The following FHIP1A variants were observed in gnomAD, a reference collection of about 807,000 sequenced individuals.
FHIP1A encodes the protein FHF complex subunit HOOK interacting protein 1A, also known as FHF complex subunit HOOK-interacting protein 1A.
FHIP1A carries 61 observed loss-of-function variants against 88.6 expected under a neutral mutation model. That is an observed-to-expected ratio of 0.69 (90% confidence interval 0.56 to 0.85). FHIP1A has a LOEUF of 0.85. Ranked by LOEUF, FHIP1A falls within the 40% of genes least tolerant of loss-of-function variation. The pLI, the probability that FHIP1A is intolerant of heterozygous loss-of-function variation, is 0.00. For synonymous variants in FHIP1A, 478 were observed against 496.0 expected (o/e 0.96, Z 0.48); for missense variants, 1,154 against 1,273.5 (o/e 0.91, Z 1.43).
chr4:151,648,250 A>G (rs1047442413), intron 10 of FHIP1A, among the ~76,000 whole-genome samples: 7 of 152,204 alleles, frequency 4.6e-5, no homozygotes, highest in African/African-American at 1.7e-4. Flanking sequence ...GTAAAATAGT[A>G]CCTACTTCAA....
At chr4:151,647,348 T>TAG (rs1235809628) in intron 10 of FHIP1A, among the ~76,000 whole-genome samples, 1 of 152,204 alleles carries the variant, frequency 6.6e-6, no homozygotes, top group Non-Finnish European at 1.5e-5. Context: ...GGCAGGCAGC[T>TAG]AGAGCAAGGG....
chr4:151,632,164 T>C (rs141825779), intron 8 of FHIP1A, among the ~76,000 whole-genome samples: 69 of 151,908 alleles, frequency 4.5e-4, no homozygotes, highest in African/African-American at 1.6e-3. Flanking sequence ...TATTTAAAAA[T>C]TAGACTTTAA....
chr4:151,417,579 CT>C lies in FHIP1A; in HGVS notation c.-356+8115del, dbSNP rs1732943742. Among the ~76,000 whole-genome samples the C allele has an allele frequency of 2.0e-5, 3 of 152,066 alleles. No homozygotes were observed. In the South Asian group the frequency reaches 6.2e-4, roughly 32 times the overall value. ...AGATGGGGGTTGCAAAGGGAATAGC[CT>C]CTGGTCCTTTTGTTACTTGGGTGTG... On this transcript the variant is annotated intron_variant, in intron 1 of 13. Coordinates refer to ENST00000435205, the MANE Select transcript of FHIP1A (RefSeq NM_001109977.3).
intron 3 of FHIP1A, among the ~76,000 whole-genome samples, chr4:151,559,660 A>G (rs1733096043): frequency 1.3e-5 from 2 of 152,346 alleles, no homozygotes; most frequent in Middle Eastern, 3.4e-3. Flanking sequence ...TGTCGTTTAT[A>G]TAACCAAACC....
intron 1 of FHIP1A, among the ~76,000 whole-genome samples, chr4:151,424,803 C>T (rs1733301445): frequency 1.8e-5 from 2 of 112,774 alleles, no homozygotes; most frequent in African/African-American, 6.9e-5. Context: ...TCTTATCTTT[C>T]CTGTAAAAAA....
intron 1 of FHIP1A, among the ~76,000 whole-genome samples, chr4:151,443,808 G>A (rs531427263): frequency 1.3e-5 from 2 of 151,046 alleles, no homozygotes; most frequent in East Asian, 3.9e-4. Flanking sequence ...ATCAGAATTC[G>A]CATCAGAAGC....
chr4:151,619,445 T>A (rs1399213920), intron 7 of FHIP1A, among the ~76,000 whole-genome samples: 1 of 152,222 alleles, frequency 6.6e-6, no homozygotes, highest in Non-Finnish European at 1.5e-5. Flanking sequence ...CAATTTAAAG[T>A]TGAATAAAAT....
At chr4:151,585,624 G>T (rs939110121) in intron 5 of FHIP1A, among the ~76,000 whole-genome samples, 1 of 152,088 alleles carries the variant, frequency 6.6e-6, no homozygotes, top group African/African-American at 2.4e-5. Flanking sequence ...TTGCATCCCT[G>T]GTTTGATATT....
At chr4:151,578,195 T>C (rs1224503685) in intron 5 of FHIP1A, 119 bp downstream of exon 5, 3 of 898,220 alleles carry the variant, frequency 3.3e-6, no homozygotes, top group African/African-American at 1.7e-5. Context: ...GCACTTCCTA[T>C]GGAAGGATGT....
chr4:151,427,395 A>G (rs115026910), intron 1 of FHIP1A, among the ~76,000 whole-genome samples: 2,342 of 152,132 alleles, frequency 0.015, 71 homozygotes, highest in African/African-American at 0.052. Flanking sequence ...TTTTTAGCTC[A>G]TGGAATTAGA....
chr4:151,439,503 G>A (rs1307691381), intron 1 of FHIP1A, among the ~76,000 whole-genome samples: 1 of 152,092 alleles, frequency 6.6e-6, no homozygotes, highest in Admixed American at 6.6e-5. Context: ...TTCAGTAGAA[G>A]TTAATGAAAA....
At chr4:151,527,297 A>G (rs1245790506) in intron 3 of FHIP1A, among the ~76,000 whole-genome samples, 2 of 152,164 alleles carry the variant, frequency 1.3e-5, no homozygotes, top group South Asian at 2.1e-4. Context: ...CGAGGCTGGC[A>G]GATCACTCGC....
chr4:151,471,935 G>A (rs901682393), intron 2 of FHIP1A, among the ~76,000 whole-genome samples: 12 of 152,218 alleles, frequency 7.9e-5, no homozygotes, highest in East Asian at 5.8e-4. Flanking sequence ...AGACTGCTGC[G>A]AATGCCATTC....
chr4:151,615,719 C>T (rs1735494138), intron 7 of FHIP1A, among the ~76,000 whole-genome samples: 1 of 152,144 alleles, frequency 6.6e-6, no homozygotes, highest in Admixed American at 6.5e-5. Context: ...ACTGATTACT[C>T]ATTTTGTGTA....
chr4:151,476,759 A>C (rs1729722449), intron 2 of FHIP1A, among the ~76,000 whole-genome samples: 1 of 152,198 alleles, frequency 6.6e-6, no homozygotes, highest in African/African-American at 2.4e-5. Context: ...GAATAAAATA[A>C]AAAGCTAATT....
intron 1 of FHIP1A, among the ~76,000 whole-genome samples, chr4:151,423,192 C>T (rs1031602353): frequency 4.6e-5 from 7 of 152,104 alleles, no homozygotes; most frequent in African/African-American, 1.7e-4. Context: ...ATTCCTTTTA[C>T]CCGTTGCTTT....
At chr4:151,633,864 A>G (rs1399743034) in intron 8 of FHIP1A, among the ~76,000 whole-genome samples, 1 of 151,968 alleles carries the variant, frequency 6.6e-6, no homozygotes, top group Non-Finnish European at 1.5e-5. Flanking sequence ...ATGGTGAAAG[A>G]CTAAAAGCTT....
intron 8 of FHIP1A, among the ~76,000 whole-genome samples, chr4:151,630,529 T>C (rs1277367971): frequency 2.0e-5 from 3 of 152,202 alleles, no homozygotes; most frequent in South Asian, 2.1e-4. Context: ...TATATTTCAC[T>C]AGAGCTAATT....
intron 3 of FHIP1A, among the ~76,000 whole-genome samples, chr4:151,526,539 C>T (rs1272886870): frequency 6.8e-6 from 1 of 147,428 alleles, no homozygotes; most frequent in Non-Finnish European, 1.5e-5. Context: ...AGAGGGGCTA[C>T]TCACTTCCCA....
Sources: allele counts gnomAD v4.1 joint callset (sites outside exome capture counted in the v4.1 genomes callset), GRCh38; gene constraint gnomAD v4.1.1; transcripts MANE v1.5; gene names NCBI Gene and HGNC (gene_info 2026-07-23, HGNC 2026-07-21).